The following METTL4 variants were observed in gnomAD, a reference collection of about 807,000 sequenced individuals.
METTL4 encodes methyltransferase 4, N6-adenosine.
Under a neutral mutation model 54.0 loss-of-function variants are expected in METTL4, and 40 were observed. That is an observed-to-expected ratio of 0.74 (90% CI 0.58 to 0.96). METTL4 has a LOEUF of 0.96. Ranked by LOEUF, METTL4 falls within the 50% of genes least tolerant of loss-of-function variation. The pLI is 0.00. For synonymous variants in METTL4, 169 were observed against 183.8 expected, an observed-to-expected ratio of 0.92 and a Z score of 0.65; for missense variants, 525 against 549.0, an observed-to-expected ratio of 0.96 and a Z score of 0.44.
intron 6 of METTL4, 63 bp downstream of exon 6, chr18:2,547,292 G>T: frequency 1.5e-6 from 2 of 1,342,412 alleles, no homozygotes; most frequent in Non-Finnish European, 2.0e-6. Context: ...TTACAAAGTA[G>T]ATGCTACCTT....
intron 3 of METTL4, among the ~76,000 whole-genome samples, chr18:2,560,028 C>T (rs11080959): frequency 0.17 from 25,121 of 152,016 alleles, 2,456 homozygotes; most frequent in South Asian, 0.28. Context: ...CATGAACCAC[C>T]ATGTCCAGCC....
At chr18:2,549,462 A>G (rs2072119540) in intron 5 of METTL4, among the ~76,000 whole-genome samples, 1 of 152,144 alleles carries the variant, frequency 6.6e-6, no homozygotes, top group African/African-American at 2.4e-5. Context: ...CAGAAGAGAA[A>G]TTCCCTCAAT....
intron 2 of METTL4, among the ~76,000 whole-genome samples, chr18:2,566,523 TTTTTTGTTTGGC>T (rs1258876754): frequency 6.6e-6 from 1 of 151,898 alleles, no homozygotes; most frequent in South Asian, 2.1e-4. Flanking sequence ...TTTGGGGGAG[TTTTTTGTTTGGC>T]TTTTTGTTTG....
At position 2,563,960 on chromosome 18, in the gene METTL4, T is replaced by C. The variant is rs77180324; in HGVS notation, c.397-101A>G. The C allele has an allele frequency of 2.1e-3, 1,382 of 659,298 alleles. 17 individuals carry two copies. The African/African-American group carries it at 0.023, about 11-fold the overall frequency. The allele number at this position is 659,298 out of a possible 1,614,324, so 40.8% of individuals were successfully genotyped here. A position where few individuals can be genotyped will look rare whatever the true frequency, so the allele number is the denominator to read the frequency against. ...TGTCTTATATCTGTCTAATAATAATTAATAATTAATAGTAGTAATTGTCTA... is the reference window on the plus strand; with the variant it reads ...TGTCTTATATCTGTCTAATAATAATCAATAATTAATAGTAGTAATTGTCTA... On this transcript the variant is annotated intron_variant, in intron 2 of 8. Transcript: ENST00000574538.
chr18:2,540,988 A>C (rs1043229497), intron 8 of METTL4: 24 of 911,188 alleles, frequency 2.6e-5, no homozygotes, highest in African/African-American at 5.4e-5. Flanking sequence ...AGAGTTTACA[A>C]TCTAATGGAA....
chr18:2,539,098 A>G lies in METTL4; in HGVS notation c.1321T>C (p.Phe441Leu). Residue 441 changes from phenylalanine to leucine, a missense_variant, in exon 9 of 9, where the codon TTT (phenylalanine) becomes CTT (leucine). By Grantham distance (22) the Phe-to-Leu change is conservative. Transcript: ENST00000574538. ...CAACCTGGCTGTAAATTTCGAGCAAACAACTCCAAATATTCCCCATCTGGC... is the reference window on the plus strand; with the variant it reads ...CAACCTGGCTGTAAATTTCGAGCAAGCAACTCCAAATATTCCCCATCTGGC... ...IKPDGEYLEL[F>L]ARNLQPGWTS... 1 of 1,614,052 alleles carries G rather than the reference A, an allele frequency of 6.2e-7. No individual in the cohort carries two copies. Among genetic ancestry groups the G allele is most frequent in the Non-Finnish European group, 8.5e-7 (1 of 1,179,916 alleles).
chr18:2,539,850 T>TAA (rs1383852959), intron 8 of METTL4: 10 of 823,620 alleles, frequency 1.2e-5, no homozygotes, highest in African/African-American at 2.0e-5. Context: ...AACAACCCAT[T>TAA]TAAAAAAAAA....
intron 6 of METTL4, among the ~76,000 whole-genome samples, 165 bp from the exon 7 acceptor site, chr18:2,544,924 T>TAA (rs751251906): frequency 1.4e-5 from 2 of 146,198 alleles, no homozygotes; most frequent in African/African-American, 2.5e-5. Flanking sequence ...CCAAAAGAAG[T>TAA]AAAAAAAAAA....
rs140872922 is a variant in METTL4 at position 2,570,197 on chromosome 18, C to A, written c.-439+952G>T. 6.9e-3 allele frequency among the ~76,000 whole-genome samples: 1,044 copies of A among 152,238 alleles called. 11 individuals are homozygous for A. The highest frequency in any genetic ancestry group is 0.023 in the African/African-American group (951 of 41,532). Reference sequence around the variant, plus strand: ...GGAGTCTAGCTTGAAATGTGACAACCGGAACCAAAAGAACCTTGAATTTGG... The same window carrying A: ...GGAGTCTAGCTTGAAATGTGACAACAGGAACCAAAAGAACCTTGAATTTGG... On this transcript the variant is annotated intron_variant, in intron 1 of 8. Transcript: ENST00000574538.
rs2072033813 is a variant in METTL4 at position 2,544,121 on chromosome 18, C to A, written c.1273+74G>T. 9 of 1,130,480 alleles carry A rather than the reference C, an allele frequency of 8.0e-6. No individual in the cohort carries two copies. In the Admixed American group the frequency reaches 1.8e-4, roughly 23 times the overall value. The allele number at this position is 1,130,480 out of a possible 1,614,324, so 70.0% of individuals were successfully genotyped here. ...TGACTTAATTTCCGAATCTGTAGGC[C>A]GTTTAAATACTAAATGTACACTTTT... is the stretch of plus-strand genomic sequence containing the variant. On this transcript the variant is annotated intron_variant, in intron 8 of 8. Transcript: ENST00000574538.
intron 3 of METTL4, among the ~76,000 whole-genome samples, chr18:2,558,207 G>C (rs781257921): frequency 6.6e-6 from 1 of 151,942 alleles, no homozygotes; most frequent in African/African-American, 2.4e-5. Flanking sequence ...AAGATAACTC[G>C]TATGCTGGGC....
chr18:2,547,651 T>C (rs761246349), intron 5 of METTL4, 122 bp from the exon 6 acceptor site: 1 of 674,210 alleles, frequency 1.5e-6, no homozygotes, highest in Admixed American at 3.7e-5. Context: ...TTTATTTGTG[T>C]AGCAAAATAT....
Position 2,539,505 on chromosome 18 carries a change from A to G in METTL4, c.1274-360T>C, listed in dbSNP as rs974174406. The stretch of plus-strand genomic sequence containing the variant: ...TAATTTTTTTTTTTTTTTTGAGACA[A>G]GAGTCTCGCACTGTCACCCAGGCTG... On this transcript the variant is annotated intron_variant, in intron 8 of 8. Transcript: ENST00000574538. 3.5e-3 allele frequency among the ~76,000 whole-genome samples: 526 copies of G among 149,642 alleles called. 4 individuals are homozygous for G. Among genetic ancestry groups the G allele is most frequent in the African/African-American group, 0.013 (512 of 40,858 alleles).
rs566662781 is a variant in METTL4, at chr18:2,550,902, C to G, written c.899+1793G>C. ...TATATCAGCCGGGCGCGGTGGCTCA[C>G]GCCTGTAATCCCAGCACTTTGGGAG... On this transcript the variant is annotated intron_variant, in intron 5 of 8. Coordinates refer to ENST00000574538, the MANE Select transcript of METTL4 (RefSeq NM_022840.5). Among the ~76,000 whole-genome samples, 17 of 152,242 alleles carry G rather than the reference C, an allele frequency of 1.1e-4. No individual in the cohort carries two copies. The East Asian group carries it at 3.1e-3, about 28-fold the overall frequency.
At chr18:2,564,178 A>C (rs953145596) in intron 2 of METTL4, among the ~76,000 whole-genome samples, 2 of 151,764 alleles carry the variant, frequency 1.3e-5, no homozygotes, top group Non-Finnish European at 2.9e-5. Context: ...CCAAGGCGGG[A>C]GGATCACGAG....
rs1225394205 is a variant in METTL4 at position 2,566,927 on chromosome 18, T to C, written c.290A>G (p.Lys97Arg). 6.2e-7 allele frequency: 1 copy of C among 1,614,156 alleles called. No individual in the cohort carries two copies. Among genetic ancestry groups the C allele is most frequent in the Non-Finnish European group, 8.5e-7 (1 of 1,180,008 alleles). Residue 97 changes from lysine to arginine, a missense_variant, in exon 2 of 9, where the codon AAA (lysine) becomes AGA (arginine). By Grantham distance (26) the Lys-to-Arg change is conservative. Transcript: ENST00000574538. ...ATGAACAGCTGGAGTTATATAAGGTTTGGTGACATCAAACAGTTCAGGTCG... is the reference window on the plus strand; with the variant it reads ...ATGAACAGCTGGAGTTATATAAGGTCTGGTGACATCAAACAGTTCAGGTCG... Reference protein sequence around the residue: ...VFRPELFDVTKPYITPAVHKE... With the variant: ...VFRPELFDVTRPYITPAVHKE...
chr18:2,541,308 C>A (rs2071989772), intron 8 of METTL4, among the ~76,000 whole-genome samples: 1 of 152,082 alleles, frequency 6.6e-6, no homozygotes, highest in African/African-American at 2.4e-5. Context: ...TACATAACAT[C>A]TGGAGTTAGT....
intron 8 of METTL4, chr18:2,540,440 T>C (rs1000758289): frequency 4.1e-6 from 4 of 983,056 alleles, no homozygotes; most frequent in Admixed American, 6.2e-5. Flanking sequence ...AAAGAGAATA[T>C]ATCAAATATT....
At position 2,544,848 on chromosome 18, in the gene METTL4, C is replaced by T. The variant is rs138890720; in HGVS notation, c.1075-89G>A. The T allele has an allele frequency of 4.3e-5, 33 of 763,494 alleles. No individual in the cohort carries two copies. In the Admixed American group the frequency reaches 8.0e-4, roughly 18 times the overall value. 47.3% of individuals were successfully genotyped at this position (763,494 alleles called of 1,614,324 possible). A position where few individuals can be genotyped will look rare whatever the true frequency, so the allele number is the denominator to read the frequency against. On this transcript the variant is annotated intron_variant, in intron 6 of 8. Transcript: ENST00000574538. ...ACACAAAAGAAATTAAACCTCCAGG[C>T]TAGTGATATTCAGTAAAAATACTAT...
Sources: gnomAD v4.1 joint callset for allele counts (sites outside exome capture counted in the v4.1 genomes callset) on GRCh38, gnomAD v4.1.1 for gene constraint, MANE v1.5 for transcripts, NCBI Gene and HGNC (gene_info 2026-07-23, HGNC 2026-07-21) for gene names.